RBMS3: variants seen among roughly 807,000 people sequenced by gnomAD.
The protein encoded by RBMS3 is RNA-binding motif, single-stranded-interacting protein 3.
RBMS3 carries 27 observed loss-of-function variants against 66.8 expected under a neutral mutation model. That is an observed-to-expected ratio of 0.40 (90% CI 0.30 to 0.56). The LOEUF is 0.56. RBMS3 is among the 20% of genes least tolerant of loss of function. The pLI is 0.40. For missense variants in RBMS3, 513 were observed against 549.5 expected (o/e 0.93, Z 0.66); for synonymous variants, 188 against 183.0 (o/e 1.03, Z -0.22).
chr3:29,287,458 A>T lies in RBMS3; in HGVS notation c.75+5702A>T, dbSNP rs150824298. 2.7e-3 allele frequency among the ~76,000 whole-genome samples: 412 copies of T among 152,230 alleles called. 3 individuals carry two copies. Among genetic ancestry groups the T allele is most frequent in the African/African-American group, 9.6e-3 (398 of 41,572 alleles). Reference sequence around the variant, plus strand: ...TAAAGAAAAGTATTAGGCAATAAGAATCAGCAACTTACAGATGGCAAAATA... The same window carrying T: ...TAAAGAAAAGTATTAGGCAATAAGATTCAGCAACTTACAGATGGCAAAATA... On this transcript the variant is annotated intron_variant, in intron 1 of 14. Transcript: ENST00000383767.
At chr3:29,468,310 C>G (rs192212557) in intron 2 of RBMS3, among the ~76,000 whole-genome samples, 1 of 152,206 alleles carries the variant, frequency 6.6e-6, no homozygotes, top group Non-Finnish European at 1.5e-5. Flanking sequence ...TGGCAGATTC[C>G]CCAGAAGGCT....
chr3:29,587,064 G>A, intron 3 of RBMS3, 50 bp from the exon 4 acceptor site: 1 of 1,400,330 alleles, frequency 7.1e-7, no homozygotes, highest in Non-Finnish European at 1.0e-6. Context: ...AGTGAAGATA[G>A]AGATTCAGCT....
At position 29,868,891 on chromosome 3, in the gene RBMS3, A is replaced by G; in HGVS notation, c.671A>G (p.Asp224Gly). The G allele has an allele frequency of 6.2e-7, 1 of 1,603,784 alleles. No individual in the cohort carries two copies. Among genetic ancestry groups the G allele is most frequent in the Non-Finnish European group, 8.5e-7 (1 of 1,174,478 alleles). The stretch of plus-strand genomic sequence containing the variant: ...GAGCCTTTGCTGTGCAAATTCGCTG[A>G]TGGAGGACAAAAGAAGCGACAGAAT... The part of the protein sequence containing the change: ...PSEPLLCKFA[D>G]GGQKKRQNQS... The change falls in exon 7 of 15, where the codon GAT becomes GGT. Residue 224 changes from aspartate to glycine, a missense_variant. Asp to Gly is a moderately conservative substitution (Grantham distance 94, BLOSUM62 -1). Transcript: ENST00000383767.
At chr3:29,577,405 CG>C (rs2047157739) in intron 3 of RBMS3, among the ~76,000 whole-genome samples, 1 of 152,172 alleles carries the variant, frequency 6.6e-6, no homozygotes, top group South Asian at 2.1e-4. Context: ...TTAGCTGCCC[CG>C]GCTGGTGTCT....
chr3:29,361,519 A>G (rs925326290), intron 1 of RBMS3, among the ~76,000 whole-genome samples: 1 of 152,096 alleles, frequency 6.6e-6, no homozygotes, highest in East Asian at 1.9e-4. Flanking sequence ...TCTGACAATT[A>G]TGTGTCTTGG....
At chr3:29,949,605 TAA>T (rs568388622) in intron 12 of RBMS3, among the ~76,000 whole-genome samples, 101 of 151,890 alleles carry the variant, frequency 6.6e-4, no homozygotes, top group Admixed American at 1.1e-3. Flanking sequence ...TTTTATTTCA[TAA>T]AAGACAGAAA....
At chr3:29,648,729 A>G (rs1172819769) in intron 4 of RBMS3, among the ~76,000 whole-genome samples, 1 of 152,118 alleles carries the variant, frequency 6.6e-6, no homozygotes, top group Non-Finnish European at 1.5e-5. Context: ...TTTTTCCTAA[A>G]CATGTCCAAA....
intron 6 of RBMS3, among the ~76,000 whole-genome samples, chr3:29,793,881 G>A (rs2057093237): frequency 6.6e-6 from 1 of 152,174 alleles, no homozygotes; most frequent in African/African-American, 2.4e-5. Context: ...AGGTGTTTGG[G>A]TCATGGAAGT....
intron 4 of RBMS3, among the ~76,000 whole-genome samples, chr3:29,650,820 T>A (rs1215218004): frequency 6.6e-6 from 1 of 152,216 alleles, no homozygotes; most frequent in Non-Finnish European, 1.5e-5. Flanking sequence ...TGCATTCTTA[T>A]GAGACTAATG....
At chr3:29,894,160 G>C (rs931110679) in intron 8 of RBMS3, among the ~76,000 whole-genome samples, 4 of 151,496 alleles carry the variant, frequency 2.6e-5, no homozygotes, top group Admixed American at 6.6e-5. Context: ...CAATGTAGCC[G>C]ATTCTGGTAA....
chr3:29,661,033 A>T (rs1296807516), intron 4 of RBMS3, among the ~76,000 whole-genome samples: 1 of 152,226 alleles, frequency 6.6e-6, no homozygotes, highest in Non-Finnish European at 1.5e-5. Context: ...GACTCTTACT[A>T]GCTATCTGCA....
At chr3:29,387,119 C>T (rs2039045251) in intron 1 of RBMS3, among the ~76,000 whole-genome samples, 1 of 152,124 alleles carries the variant, frequency 6.6e-6, no homozygotes. Flanking sequence ...TATCTTCACT[C>T]ATTTCTTTAA....
At chr3:29,972,466 TCC>T (rs1207504982) in intron 12 of RBMS3, among the ~76,000 whole-genome samples, 1 of 148,026 alleles carries the variant, frequency 6.8e-6, no homozygotes, top group African/African-American at 2.6e-5. Context: ...CTCCATTTTC[TCC>T]CTGTCTTCAT....
chr3:29,922,450 G>GCAGT (rs1389522539), intron 10 of RBMS3, among the ~76,000 whole-genome samples: 1 of 143,460 alleles, frequency 7.0e-6, no homozygotes, highest in African/African-American at 2.6e-5. Context: ...TTGCGCCACT[G>GCAGT]CAGTCCGCAG....
intron 6 of RBMS3, among the ~76,000 whole-genome samples, chr3:29,866,271 T>A (rs1001002578): frequency 1.3e-5 from 2 of 152,098 alleles, no homozygotes; most frequent in African/African-American, 2.4e-5. Flanking sequence ...TATGTACAGT[T>A]TATTTTATGT....
intron 4 of RBMS3, among the ~76,000 whole-genome samples, chr3:29,613,876 T>C (rs1576361553): frequency 1.3e-5 from 2 of 152,148 alleles, no homozygotes; most frequent in East Asian, 3.9e-4. Flanking sequence ...ACACTACTGG[T>C]AGAAAAGTAA....
At chr3:29,409,434 C>T (rs962811556) in intron 1 of RBMS3, among the ~76,000 whole-genome samples, 2 of 152,220 alleles carry the variant, frequency 1.3e-5, no homozygotes, top group Non-Finnish European at 2.9e-5. Flanking sequence ...TCAGCCCTAA[C>T]ACAACACAGT....
At chr3:29,477,228 A>G (rs1216948960) in intron 2 of RBMS3, among the ~76,000 whole-genome samples, 1 of 152,150 alleles carries the variant, frequency 6.6e-6, no homozygotes, top group Admixed American at 6.5e-5. Context: ...GAAATGAAGG[A>G]AATGTGCTCA....
At chr3:29,884,475 C>CCCG (rs1559767475) in intron 8 of RBMS3, among the ~76,000 whole-genome samples, 1 of 100,472 alleles carries the variant, frequency 1.0e-5, no homozygotes, top group South Asian at 3.4e-4. Flanking sequence ...TCTCTCCCCC[C>CCCG]CCGCTCCCTC....
Sources: gnomAD v4.1 joint callset for allele counts (sites outside exome capture counted in the v4.1 genomes callset) on GRCh38, gnomAD v4.1.1 for gene constraint, MANE v1.5 for transcripts, NCBI Gene and HGNC (gene_info 2026-07-23, HGNC 2026-07-21) for gene names.